The following TTC3 variants were observed in gnomAD, a reference collection of about 807,000 sequenced individuals.
TTC3 encodes E3 ubiquitin-protein ligase TTC3.
TTC3 carries 180 observed loss-of-function variants against 249.6 expected under a neutral mutation model. The observed-to-expected ratio is 0.72, with a 90% CI of 0.64 to 0.82. The LOEUF is 0.82. Ranked by LOEUF, TTC3 falls within the 40% of genes least tolerant of loss-of-function variation. The pLI, the probability that TTC3 is intolerant of heterozygous loss-of-function variation, is 0.00. For missense variants in TTC3, 2,061 were observed against 2,398.4 expected (o/e 0.86, Z 2.94); for synonymous variants, 717 against 805.0 (o/e 0.89, Z 1.85).
chr21:37,143,135 T>TA (rs2078651447), intron 20 of TTC3, among the ~76,000 whole-genome samples: 1 of 152,190 alleles, frequency 6.6e-6, no homozygotes, highest in South Asian at 2.1e-4. Flanking sequence ...CCTAAAACCA[T>TA]AAAAACCCTA....
intron 11 of TTC3, among the ~76,000 whole-genome samples, chr21:37,114,149 C>T: frequency 6.6e-6 from 1 of 151,966 alleles, no homozygotes; most frequent in African/African-American, 2.4e-5. Flanking sequence ...ATGTCTAAAA[C>T]ACCAAAAGCA....
chr21:37,150,040 T>A (rs2079314265), intron 23 of TTC3, 38 bp from the exon 24 acceptor site: 1 of 1,457,022 alleles, frequency 6.9e-7, no homozygotes, highest in Admixed American at 1.8e-5. Context: ...CCCCTAGACA[T>A]AACATTTTTC....
chr21:37,175,870 C>T (rs955788796), intron 35 of TTC3, among the ~76,000 whole-genome samples: 1 of 130,784 alleles, frequency 7.6e-6, no homozygotes, highest in Non-Finnish European at 1.6e-5. Flanking sequence ...TCCCGGGTTC[C>T]AGCATTCTCC....
chr21:37,135,335 A>G (rs1015165027), intron 17 of TTC3, 45 bp from the exon 18 acceptor site: 3 of 1,564,522 alleles, frequency 1.9e-6, no homozygotes, highest in African/African-American at 2.7e-5. Context: ...TTTAAATTAA[A>G]AATGTGTAGA....
At chr21:37,152,535 C>T (rs1017139470) in intron 26 of TTC3, among the ~76,000 whole-genome samples, 20 of 151,906 alleles carry the variant, frequency 1.3e-4, no homozygotes, top group Non-Finnish European at 2.1e-4. Context: ...TACAGGTGCC[C>T]GCCACCATGC....
At chr21:37,175,138 T>C (rs1351702390) in intron 35 of TTC3, among the ~76,000 whole-genome samples, 1 of 147,390 alleles carries the variant, frequency 6.8e-6, no homozygotes, top group Non-Finnish European at 1.5e-5. Flanking sequence ...GTGGTGGGTG[T>C]CTGTAGTCCC....
chr21:37,086,930 C>G (rs2072568089), intron 1 of TTC3: 1 of 257,316 alleles, frequency 3.9e-6, no homozygotes, highest in Admixed American at 4.9e-5. Context: ...TTACCATGTG[C>G]TAGGCACATA....
intron 45 of TTC3, among the ~76,000 whole-genome samples, chr21:37,200,797 G>T (rs1329538840): frequency 6.6e-6 from 1 of 152,192 alleles, no homozygotes; most frequent in East Asian, 1.9e-4. Context: ...TGGTGTTCTA[G>T]GTACCGTGAG....
At chr21:37,135,300 T>G in intron 17 of TTC3, 80 bp from the exon 18 acceptor site, 1 of 1,417,778 alleles carries the variant, frequency 7.1e-7, no homozygotes, top group Non-Finnish European at 9.5e-7. Flanking sequence ...TTATAAAATA[T>G]TACTATGAAC....
At chr21:37,166,999 C>G (rs1337343392) in intron 33 of TTC3, among the ~76,000 whole-genome samples, 1 of 152,146 alleles carries the variant, frequency 6.6e-6, no homozygotes, top group Non-Finnish European at 1.5e-5. Context: ...CTGCCAGTTA[C>G]AGGAGGGCCC....
At chr21:37,123,004 C>T (rs761860632) in exon 13 of TTC3, 5 of 1,613,924 alleles carry the variant, frequency 3.1e-6, no homozygotes, top group Non-Finnish European at 4.2e-6. Flanking sequence ...AATAAGGATC[C>T]AATTAAAGCC....
intron 8 of TTC3, among the ~76,000 whole-genome samples, chr21:37,094,822 A>G (rs1043404754): frequency 6.6e-6 from 1 of 152,158 alleles, no homozygotes; most frequent in Admixed American, 6.5e-5. Flanking sequence ...TGAGTCATTC[A>G]AGACAGGTTT....
intron 27 of TTC3, among the ~76,000 whole-genome samples, chr21:37,154,994 C>T (rs1229530031): frequency 2.0e-5 from 3 of 151,964 alleles, no homozygotes; most frequent in Non-Finnish European, 4.4e-5. Context: ...CGCGCCCGGT[C>T]GATATAATCC....
At chr21:37,200,394 A>G (rs1467144914) in intron 45 of TTC3, 70 bp downstream of exon 45, 2 of 1,498,212 alleles carry the variant, frequency 1.3e-6, no homozygotes, top group African/African-American at 2.8e-5. Context: ...ATAAGAAAGG[A>G]ATTGTTTTCT....
At chr21:37,185,647 G>C in intron 36 of TTC3, 59 bp from the exon 37 acceptor site, 1 of 963,606 alleles carries the variant, frequency 1.0e-6, no homozygotes, top group East Asian at 3.0e-5. Flanking sequence ...TTTACTGTGT[G>C]GGGGTCCTGT....
intron 16 of TTC3, among the ~76,000 whole-genome samples, chr21:37,129,689 G>A (rs555125469): frequency 6.6e-6 from 1 of 151,942 alleles, no homozygotes; most frequent in Non-Finnish European, 1.5e-5. Context: ...GCGGTGCAGT[G>A]GTGTAACCCT....
intron 6 of TTC3, chr21:37,090,566 C>A (rs1342501616): frequency 3.2e-6 from 3 of 937,112 alleles, no homozygotes; most frequent in Non-Finnish European, 2.5e-6. Flanking sequence ...TTATGTTTCC[C>A]CAAATGAAAT....
chr21:37,167,716 TC>T, intron 34 of TTC3, 96 bp downstream of exon 34: 1 of 887,536 alleles, frequency 1.1e-6, no homozygotes, highest in Non-Finnish European at 1.7e-6. Context: ...GTCAGCTTAT[TC>T]CACACAAAGT....
intron 1 of TTC3, chr21:37,082,509 GC>G (rs1251701317): frequency 1.1e-5 from 11 of 985,196 alleles, no homozygotes; most frequent in Non-Finnish European, 1.3e-5. Flanking sequence ...AGAAAGTTTA[GC>G]TGGCATCACT....
Sources: allele counts gnomAD v4.1 joint callset (sites outside exome capture counted in the v4.1 genomes callset), GRCh38; gene constraint gnomAD v4.1.1; transcripts MANE v1.5; gene names NCBI Gene and HGNC (gene_info 2026-07-23, HGNC 2026-07-21).